Variants in BTBD9 observed in about 807,000 individuals in gnomAD.
BTBD9 encodes BTB domain containing 9, also known as BTB/POZ domain-containing protein 9.
BTBD9 carries 49 observed loss-of-function variants against 64.3 expected under a neutral mutation model. The ratio of observed to expected loss-of-function variants is 0.76; its 90% CI spans 0.61 to 0.97. The LOEUF is 0.97. Ranked by LOEUF, BTBD9 falls within the 50% of genes least tolerant of loss-of-function variation. The pLI, the probability that BTBD9 is intolerant of heterozygous loss-of-function variation, is 0.00. For missense variants in BTBD9, 598 were observed against 762.1 expected (o/e 0.78, Z 2.53); for synonymous variants, 260 against 274.7 (o/e 0.95, Z 0.53).
intron 6 of BTBD9, among the ~76,000 whole-genome samples, chr6:38,571,418 G>T (rs1363183899): frequency 2.0e-5 from 3 of 152,122 alleles, no homozygotes; most frequent in Non-Finnish European, 4.4e-5. Context: ...ATTTTATGTA[G>T]ATCTATAGCA....
At chr6:38,570,420 T>C (rs1425160653) in intron 6 of BTBD9, among the ~76,000 whole-genome samples, 1 of 152,186 alleles carries the variant, frequency 6.6e-6, no homozygotes, top group Non-Finnish European at 1.5e-5. Context: ...TAAAATTAAG[T>C]AGCGGTTTTT....
chr6:38,468,557 A>G (rs578146494), intron 6 of BTBD9, among the ~76,000 whole-genome samples: 8 of 152,300 alleles, frequency 5.3e-5, no homozygotes, highest in Admixed American at 4.6e-4. Context: ...GAGCATTTGT[A>G]CTTCTATTAC....
At chr6:38,271,373 T>C (rs892978929) in intron 8 of BTBD9, among the ~76,000 whole-genome samples, 1 of 152,194 alleles carries the variant, frequency 6.6e-6, no homozygotes, top group Non-Finnish European at 1.5e-5. Flanking sequence ...GATTTTAATA[T>C]TCCTATCTTT....
At chr6:38,415,812 A>C (rs1767639839) in intron 6 of BTBD9, among the ~76,000 whole-genome samples, 1 of 151,762 alleles carries the variant, frequency 6.6e-6, no homozygotes, top group Non-Finnish European at 1.5e-5. Flanking sequence ...CTCCATTCCT[A>C]TCCACTGATC....
chr6:38,555,496 C>T (rs1454269067), intron 6 of BTBD9, among the ~76,000 whole-genome samples: 1 of 152,166 alleles, frequency 6.6e-6, no homozygotes, highest in Non-Finnish European at 1.5e-5. Context: ...TTCTACTTAA[C>T]AAAACGTATG....
Position 38,369,028 on chromosome 6 carries a change from C to T in BTBD9, c.1155-23935G>A, listed in dbSNP as rs142836898. The stretch of plus-strand genomic sequence containing the variant: ...TTCCAGTTTAATTCATGCCGCCATA[C>T]CTTCCTAGTTTCTCAGGGAGAATTC... On this transcript the variant is annotated intron_variant, in intron 6 of 10. Coordinates refer to ENST00000481247, the MANE Select transcript of BTBD9 (RefSeq NM_001099272.2). 5.4e-3 allele frequency among the ~76,000 whole-genome samples: 829 copies of T among 152,328 alleles called. 33 individuals are homozygous for T. The highest frequency in any genetic ancestry group is 0.049 in the Admixed American group (745 of 15,306).
intron 1 of BTBD9, among the ~76,000 whole-genome samples, chr6:38,607,369 T>C (rs1344892538): frequency 1.3e-5 from 2 of 152,228 alleles, no homozygotes; most frequent in African/African-American, 4.8e-5. Flanking sequence ...AATTCCATTT[T>C]ATGCATGTTC....
chr6:38,506,428 T>C lies in BTBD9; in HGVS notation c.1154+71172A>G, dbSNP rs138633459. ...ATAAAGTAAACTGCAGAGATTCGGC[T>C]GTTACCCTCGTGATCCCGTGCTGGC... On this transcript the variant is annotated intron_variant, in intron 6 of 10. Coordinates refer to ENST00000481247, the MANE Select transcript of BTBD9 (RefSeq NM_001099272.2). 5.9e-5 allele frequency among the ~76,000 whole-genome samples: 9 copies of C among 152,378 alleles called. 1 individual carries two copies. The highest frequency in any genetic ancestry group is 6.8e-3 in the Middle Eastern group (2 of 294).
chr6:38,330,306 G>A (rs181032785), intron 7 of BTBD9, among the ~76,000 whole-genome samples: 1 of 152,260 alleles, frequency 6.6e-6, no homozygotes, highest in East Asian at 1.9e-4. Context: ...ACCCATATTG[G>A]CCTCCCAAAG....
rs774721362 is a variant in BTBD9, at chr6:38,594,146, G to A, written c.367C>T (p.Pro123Ser). 2 of 1,614,022 alleles carry A rather than the reference G, an allele frequency of 1.2e-6. No individual in the cohort carries two copies. The highest frequency in any genetic ancestry group is 1.3e-5 in the African/African-American group (1 of 74,908). Reference protein sequence around the residue: ...FLSLAHKYGFPELEDSTSEYL... With the variant: ...FLSLAHKYGFSELEDSTSEYL... Reference sequence around the variant, plus strand: ...TCAGAGGTAGAATCCTCTAGCTCTGGAAATCCATATTTATGAGCCAGGCTC... The same window carrying A: ...TCAGAGGTAGAATCCTCTAGCTCTGAAAATCCATATTTATGAGCCAGGCTC... Residue 123 changes from proline (P) to serine (S), a missense_variant, in exon 3 of 11, where the codon CCA becomes TCA. By Grantham distance (74) the Pro-to-Ser change is moderately conservative. Coordinates refer to ENST00000481247, the MANE Select transcript of BTBD9 (RefSeq NM_001099272.2).
chr6:38,415,854 T>C lies in BTBD9; in HGVS notation c.1155-70761A>G, dbSNP rs527779007. Among the ~76,000 whole-genome samples, 6 of 141,764 alleles carry C rather than the reference T, an allele frequency of 4.2e-5. 1 individual carries two copies. In the South Asian group the frequency reaches 1.5e-3, roughly 35 times the overall value. 93.0% of individuals were successfully genotyped at this position (141,764 alleles called of 152,430 possible). A position where few individuals can be genotyped will look rare whatever the true frequency, so the allele number is the denominator to read the frequency against. ...TCTTGCTAGGCTGCCCAGGCTGCAG[T>C]CCTTAAAAAAAAAAAAAATTCTGCC... is the stretch of plus-strand genomic sequence containing the variant. On this transcript the variant is annotated intron_variant, in intron 6 of 10. Coordinates refer to ENST00000481247, the MANE Select transcript of BTBD9 (RefSeq NM_001099272.2).
intron 9 of BTBD9, among the ~76,000 whole-genome samples, chr6:38,205,374 A>G (rs1226411643): frequency 6.6e-6 from 1 of 152,186 alleles, no homozygotes; most frequent in Non-Finnish European, 1.5e-5. Flanking sequence ...AAATTTTTCA[A>G]AAGCAACACT....
rs1761751895 is a variant in BTBD9, at chr6:38,184,904, C to T, written c.1641+7615G>A. ...CGAAGCCAGTAAATAAATTCTGCCT[C>T]ACTCCAGGCCCTGAGCCGAGTGGTC... On this transcript the variant is annotated intron_variant, in intron 10 of 10. Transcript: ENST00000481247. This position sits in a 1 kb window ranked among gnomAD's most constrained non-coding sequence, Gnocchi z 4.4. Among the ~76,000 whole-genome samples the T allele has an allele frequency of 6.6e-6, 1 of 152,172 alleles. No homozygotes were observed. Among genetic ancestry groups the T allele is most frequent in the Non-Finnish European group, 1.5e-5 (1 of 68,040 alleles).
intron 6 of BTBD9, among the ~76,000 whole-genome samples, chr6:38,460,270 C>T (rs189698841): frequency 6.6e-6 from 1 of 152,302 alleles, no homozygotes; most frequent in Non-Finnish European, 1.5e-5. Flanking sequence ...TTCTTCCTTT[C>T]CAATTTAGCA....
intron 8 of BTBD9, among the ~76,000 whole-genome samples, chr6:38,287,454 T>TATCTTGTATATTATATTTTTC (rs1229563116): frequency 6.7e-6 from 1 of 149,546 alleles, no homozygotes; most frequent in Non-Finnish European, 1.5e-5. Flanking sequence ...CACCATTTTT[T>TATCTTGTATATTATATTTTTC]ATCTTGTATA....
At chr6:38,422,745 G>A (rs1767964074) in intron 6 of BTBD9, among the ~76,000 whole-genome samples, 1 of 152,084 alleles carries the variant, frequency 6.6e-6, no homozygotes, top group African/African-American at 2.4e-5. Context: ...ATTTTACACA[G>A]GGTTTTCTAG....
chr6:38,374,321 ATATATG>A (rs1562095894), intron 6 of BTBD9, among the ~76,000 whole-genome samples: 12 of 119,518 alleles, frequency 1.0e-4, no homozygotes, highest in African/African-American at 3.9e-4. Flanking sequence ...ATATATATAT[ATATATG>A]TATATAAAAT....
intron 6 of BTBD9, among the ~76,000 whole-genome samples, chr6:38,505,509 A>G (rs931176693): frequency 2.0e-5 from 3 of 152,062 alleles, no homozygotes; most frequent in Non-Finnish European, 4.4e-5. Flanking sequence ...CTGTAATCCC[A>G]GCTACTCAAG....
At chr6:38,608,934 AAAG>A (rs764594143) in intron 1 of BTBD9, among the ~76,000 whole-genome samples, 29 of 152,202 alleles carry the variant, frequency 1.9e-4, no homozygotes, top group Non-Finnish European at 3.5e-4. Context: ...GATTTTAAAA[AAAG>A]AAGAAGCAGA....
Sources: allele counts gnomAD v4.1 joint callset (sites outside exome capture counted in the v4.1 genomes callset), GRCh38; gene constraint gnomAD v4.1.1; non-coding constraint Gnocchi (gnomAD v3.1); transcripts MANE v1.5; gene names NCBI Gene and HGNC (gene_info 2026-07-23, HGNC 2026-07-21).